CTNNA2: variants seen among roughly 807,000 people sequenced by gnomAD.
The protein encoded by CTNNA2 is catenin alpha-2.
Under a neutral mutation model 101.0 loss-of-function variants are expected in CTNNA2, and 42 were observed. The ratio of observed to expected loss-of-function variants is 0.42; its 90% CI spans 0.32 to 0.54. The LOEUF (loss-of-function observed/expected upper bound fraction) is 0.54, where lower values mean the gene tolerates loss of function less well. CTNNA2 is among the 20% of genes least tolerant of loss of function. The probability of loss-of-function intolerance (pLI) is 0.14; values close to 1 mark genes in which losing one functional copy is unlikely to be tolerated. For synonymous variants in CTNNA2, 450 were observed against 456.4 expected (o/e 0.99, Z 0.18); for missense variants, 871 against 1,223.1 (o/e 0.71, Z 4.29).
At chr2:79,259,486 G>T (rs140325750) in intron 2 of CTNNA2, among the ~76,000 whole-genome samples, 3 of 152,284 alleles carry the variant, frequency 2.0e-5, no homozygotes, top group Admixed American at 6.5e-5. Context: ...TCCTAGTGTG[G>T]GTAGGGCCAT....
At chr2:79,353,177 A>C (rs939370355) in intron 3 of CTNNA2, among the ~76,000 whole-genome samples, 196 of 152,226 alleles carry the variant, frequency 1.3e-3, no homozygotes, top group African/African-American at 4.5e-3. Context: ...CATTCCAAAT[A>C]TTTTGGTATG....
At chr2:80,329,638 G>A (rs1671141485) in intron 7 of CTNNA2, among the ~76,000 whole-genome samples, 1 of 152,168 alleles carries the variant, frequency 6.6e-6, no homozygotes, top group Non-Finnish European at 1.5e-5. Context: ...AGGACAGGGT[G>A]TGCCTCCAGA....
intron 4 of CTNNA2, among the ~76,000 whole-genome samples, chr2:79,863,562 C>T (rs947056186): frequency 1.3e-5 from 2 of 152,194 alleles, no homozygotes; most frequent in Non-Finnish European, 2.9e-5. Context: ...GATGACAACA[C>T]AACCACTCAG....
chr2:80,635,971 C>CTTTTTTTT (rs60757492), intron 18 of CTNNA2, among the ~76,000 whole-genome samples: 5 of 115,646 alleles, frequency 4.3e-5, no homozygotes, highest in East Asian at 2.7e-4. Flanking sequence ...ATGCCCATTG[C>CTTTTTTTT]TTTTTTTTTT....
chr2:79,280,701 G>GAGAGAGAC (rs142826852), intron 2 of CTNNA2, among the ~76,000 whole-genome samples: 96 of 147,372 alleles, frequency 6.5e-4, no homozygotes, highest in Admixed American at 1.5e-3. Flanking sequence ...GAGAGAGAGA[G>GAGAGAGAC]ACCTATAGCT....
chr2:79,246,930 C>G (rs1055963468), intron 2 of CTNNA2, among the ~76,000 whole-genome samples: 14 of 152,208 alleles, frequency 9.2e-5, no homozygotes, highest in Admixed American at 2.0e-4. Context: ...AGTTGGACGT[C>G]TTAATTTACA....
chr2:79,947,937 C>T (rs1688615209), intron 7 of CTNNA2, among the ~76,000 whole-genome samples: 1 of 152,158 alleles, frequency 6.6e-6, no homozygotes, highest in African/African-American at 2.4e-5. Context: ...ACTCAGGGGA[C>T]TGTGTGGCAA....
In CTNNA2 at chr2:80,416,069, C is replaced by T. The variant is rs1429126770; in HGVS notation, c.1138-3380C>T. On this transcript the variant is annotated intron_variant, in intron 8 of 18. Transcript: ENST00000402739. Reference sequence around the variant, plus strand: ...GGGGCTGGAGGTGGGGGTGGTGAAACGGGAAATGCTGGTCAAAGGGTACAA... The same window carrying T: ...GGGGCTGGAGGTGGGGGTGGTGAAATGGGAAATGCTGGTCAAAGGGTACAA... Among the ~76,000 whole-genome samples the T allele has an allele frequency of 5.3e-5, 8 of 151,860 alleles. No homozygotes were observed. In the East Asian group the frequency reaches 1.2e-3, roughly 22 times the overall value.
intron 2 of CTNNA2, among the ~76,000 whole-genome samples, chr2:79,692,460 G>A (rs1684366483): frequency 2.0e-5 from 3 of 152,124 alleles, no homozygotes. Context: ...AAGACAGTGT[G>A]GCATATCCTC....
At chr2:80,080,158 G>A (rs1280584438) in intron 7 of CTNNA2, among the ~76,000 whole-genome samples, 6 of 152,148 alleles carry the variant, frequency 3.9e-5, no homozygotes, top group Non-Finnish European at 1.5e-5. Flanking sequence ...GTAAAGTGTG[G>A]CTGGTACAAA....
intron 7 of CTNNA2, among the ~76,000 whole-genome samples, chr2:80,310,841 C>G (rs191548104): frequency 6.6e-6 from 1 of 151,998 alleles, no homozygotes; most frequent in Non-Finnish European, 1.5e-5. Context: ...GGCCTGGTGA[C>G]GGGCGCCTGT....
At chr2:79,695,879 G>A (rs942234980) in intron 2 of CTNNA2, among the ~76,000 whole-genome samples, 3 of 151,960 alleles carry the variant, frequency 2.0e-5, no homozygotes, top group Non-Finnish European at 2.9e-5. Flanking sequence ...AGTTGGTTTG[G>A]GGGCTTAGGA....
At chr2:79,461,788 C>G (rs997834944) in intron 4 of CTNNA2, among the ~76,000 whole-genome samples, 3 of 151,590 alleles carry the variant, frequency 2.0e-5, no homozygotes, top group African/African-American at 7.3e-5. Context: ...AACATAAAGT[C>G]AAATCAGCAA....
intron 1 of CTNNA2, among the ~76,000 whole-genome samples, chr2:79,616,909 C>CTTTTTTTTTTTT (rs1425285033): frequency 6.1e-5 from 9 of 146,346 alleles, no homozygotes; most frequent in African/African-American, 2.4e-4. Flanking sequence ...TTCTTTCTTT[C>CTTTTTTTTTTTT]TTTTTTTTTC....
At chr2:79,994,638 AT>A (rs1692418782) in intron 7 of CTNNA2, among the ~76,000 whole-genome samples, 1 of 152,190 alleles carries the variant, frequency 6.6e-6, no homozygotes, top group African/African-American at 2.4e-5. Context: ...GAATAAGGAT[AT>A]CGCTAAAATC....
chr2:79,824,714 A>G (rs1409409843), intron 3 of CTNNA2, among the ~76,000 whole-genome samples: 1 of 152,192 alleles, frequency 6.6e-6, no homozygotes, highest in African/African-American at 2.4e-5. Flanking sequence ...CCTACATTGT[A>G]TAGCTGCCAT....
chr2:79,399,016 TA>T (rs1030734275), intron 4 of CTNNA2, among the ~76,000 whole-genome samples: 7 of 152,116 alleles, frequency 4.6e-5, no homozygotes, highest in Non-Finnish European at 7.4e-5. Flanking sequence ...GAACTGAATT[TA>T]GCCCATCACA....
rs771500780 is a variant in CTNNA2 at position 79,477,543 on chromosome 2, T to C, written c.-134-27511T>C. On this transcript the variant is annotated intron_variant, in intron 4 of 21. Coordinates refer to the CTNNA2 transcript ENST00000466387. ...TCTGGTGTTTGTGGTTGTGTGTGGA[T>C]GTGTGAATAAAGGAGAAAAAAATGT... Among the ~76,000 whole-genome samples the C allele has an allele frequency of 6.6e-5, 10 of 152,214 alleles. 1 individual carries two copies. The highest frequency in any genetic ancestry group is 1.5e-4 in the Non-Finnish European group (10 of 68,038).
In CTNNA2 at chr2:80,116,539, T is replaced by C. The variant is rs774531986; in HGVS notation, c.1056+206742T>C. Among the ~76,000 whole-genome samples the C allele has an allele frequency of 7.9e-5, 12 of 152,304 alleles. No homozygotes were observed. The East Asian group carries it at 9.7e-4, about 12-fold the overall frequency. On this transcript the variant is annotated intron_variant, in intron 7 of 18. Transcript: ENST00000402739. ...TTGTGTTTGTACATGTGTATGTGTGTGTTAGCATTGGCAGAAATGAGATGA... is the reference window on the plus strand; with the variant it reads ...TTGTGTTTGTACATGTGTATGTGTGCGTTAGCATTGGCAGAAATGAGATGA...
Sources: gnomAD v4.1 joint callset for allele counts (sites outside exome capture counted in the v4.1 genomes callset) on GRCh38, gnomAD v4.1.1 for gene constraint, MANE v1.5 for transcripts, NCBI Gene and HGNC (gene_info 2026-07-23, HGNC 2026-07-21) for gene names.